The following IRAG2 variants were observed in gnomAD, a reference collection of about 807,000 sequenced individuals.
The protein encoded by IRAG2 is inositol 1,4,5-triphosphate receptor associated 2, also known as lymphoid restricted membrane protein.
A neutral mutation model predicts 69.9 loss-of-function variants in IRAG2; 45 were observed. That is an observed-to-expected ratio of 0.64 (90% confidence interval 0.51 to 0.83). The LOEUF (loss-of-function observed/expected upper bound fraction) is 0.83. IRAG2 is among the 40% of genes least tolerant of loss of function. The probability of loss-of-function intolerance (pLI) is 0.00; values close to 1 mark genes in which losing one functional copy is unlikely to be tolerated. For missense variants in IRAG2, 520 were observed against 587.0 expected (o/e 0.89, Z 1.18); for synonymous variants, 193 against 202.4 (o/e 0.95, Z 0.40).
chr12:25,024,577 A>G (rs1944608060), intron 8 of IRAG2, among the ~76,000 whole-genome samples: 1 of 152,242 alleles, frequency 6.6e-6, no homozygotes, highest in African/African-American at 2.4e-5. Flanking sequence ...TTGAATATCA[A>G]GTAGTATGCC....
chr12:25,090,831 T>A (rs752691527), intron 14 of IRAG2: 2 of 454,792 alleles, frequency 4.4e-6, no homozygotes, highest in African/African-American at 2.0e-5. Context: ...AAAGGAATCA[T>A]ACAGAAAACT....
intron 2 of IRAG2, chr12:25,006,346 A>G (rs577156299): frequency 6.6e-6 from 1 of 152,250 alleles, no homozygotes; most frequent in Non-Finnish European, 1.5e-5. Flanking sequence ...TAGAGCTACC[A>G]TTTGAGCCAG....
chr12:25,101,025 T>G, intron 15 of IRAG2, 153 bp from the exon 16 acceptor site: 1 of 527,826 alleles, frequency 1.9e-6, no homozygotes, highest in Non-Finnish European at 3.3e-6. Flanking sequence ...CTCTTCTGTT[T>G]GCCCCTGTAG....
At chr12:25,080,182 G>C (rs1184723694) in intron 9 of IRAG2, among the ~76,000 whole-genome samples, 1 of 152,100 alleles carries the variant, frequency 6.6e-6, no homozygotes, top group East Asian at 1.9e-4. Context: ...AGAGGCAACA[G>C]AACTAACCAG....
chr12:25,039,559 T>C (rs560176291), intron 16 of IRAG2, among the ~76,000 whole-genome samples: 60 of 152,274 alleles, frequency 3.9e-4, no homozygotes, highest in African/African-American at 1.4e-3. Context: ...GCCTCCCGAG[T>C]AGCTGGGACT....
chr12:25,008,431 G>A (rs1944449460), intron 2 of IRAG2, among the ~76,000 whole-genome samples: 1 of 152,022 alleles, frequency 6.6e-6, no homozygotes, highest in Non-Finnish European at 1.5e-5. Flanking sequence ...GTGAAACCAT[G>A]TCTCCACTAA....
chr12:25,068,582 C>T (rs570862805), intron 5 of IRAG2, among the ~76,000 whole-genome samples: 46 of 152,244 alleles, frequency 3.0e-4, no homozygotes, highest in African/African-American at 1.0e-3. Context: ...CAGATTGGTT[C>T]CCCTGGCAAC....
intron 1 of IRAG2, among the ~76,000 whole-genome samples, chr12:25,059,161 C>CG (rs1364685727): frequency 6.6e-6 from 1 of 152,118 alleles, no homozygotes; most frequent in Admixed American, 6.5e-5. Flanking sequence ...TGGAGATACA[C>CG]GACCTTCAGA....
intron 2 of IRAG2, among the ~76,000 whole-genome samples, chr12:25,008,332 TG>T (rs768364780): frequency 1.3e-5 from 2 of 152,136 alleles, no homozygotes; most frequent in Non-Finnish European, 2.9e-5. Context: ...CTGGGTGGGG[TG>T]GCTCATACCT....
chr12:25,040,126 T>G (rs1304306505), intron 16 of IRAG2, among the ~76,000 whole-genome samples: 1 of 152,226 alleles, frequency 6.6e-6, no homozygotes, highest in Non-Finnish European at 1.5e-5. Flanking sequence ...ATAAGATGGT[T>G]ATAACCTCTG....
intron 16 of IRAG2, among the ~76,000 whole-genome samples, chr12:25,043,550 G>A (rs1050342120): frequency 6.6e-6 from 1 of 152,088 alleles, no homozygotes; most frequent in Non-Finnish European, 1.5e-5. Flanking sequence ...GCTGGATTAT[G>A]TATCCAATGT....
intron 10 of IRAG2, chr12:25,030,893 A>G (rs1208404297): frequency 3.5e-6 from 1 of 286,940 alleles, no homozygotes; most frequent in African/African-American, 2.3e-5. Context: ...CATTCATTTT[A>G]GGGTGGAAGA....
intron 19 of IRAG2, 91 bp downstream of exon 19, chr12:25,104,149 A>C: frequency 9.1e-7 from 1 of 1,093,972 alleles, no homozygotes; most frequent in Non-Finnish European, 1.4e-6. Flanking sequence ...TGATATAGTA[A>C]TGTTTGATTT....
At chr12:25,031,410 C>A (rs961992809) in intron 10 of IRAG2, among the ~76,000 whole-genome samples, 4 of 152,120 alleles carry the variant, frequency 2.6e-5, no homozygotes, top group Admixed American at 6.5e-5. Flanking sequence ...ACTACCTGTA[C>A]CTTTTGGTCT....
chr12:25,028,661 G>A (rs1360368752), intron 9 of IRAG2, among the ~76,000 whole-genome samples: 2 of 152,036 alleles, frequency 1.3e-5, no homozygotes, highest in Non-Finnish European at 2.9e-5. Flanking sequence ...AGATGACAAC[G>A]ACTAGTAAAT....
At chr12:25,004,902 T>C (rs1944419204) in exon 1 of IRAG2, 2 of 1,230,832 alleles carry the variant, frequency 1.6e-6, no homozygotes, top group African/African-American at 1.6e-5. Context: ...AAAAATTATC[T>C]CTGAATGAAG....
chr12:25,075,952 G>T lies in IRAG2; in HGVS notation c.25-3292G>T, dbSNP rs1051303419. The stretch of plus-strand genomic sequence containing the variant: ...TGTTCTGCTGTGGGCCTGGTTTGCT[G>T]GTTTAAATAGAGGTGGCTTTAGAAG... On this transcript the variant is annotated intron_variant, in intron 6 of 21. Coordinates refer to ENST00000556887, the MANE Select transcript of IRAG2 (RefSeq NM_001366544.2). The T allele has an allele frequency of 2.6e-5, 4 of 152,142 alleles. No individual in the cohort carries two copies. In the East Asian group the frequency reaches 7.7e-4, roughly 29 times the overall value. 9.4% of individuals were successfully genotyped at this position (152,142 alleles called of 1,614,324 possible). A position where few individuals can be genotyped will look rare whatever the true frequency, so the allele number is the denominator to read the frequency against.
chr12:25,037,814 A>G (rs1355076867), intron 15 of IRAG2, among the ~76,000 whole-genome samples: 1 of 152,168 alleles, frequency 6.6e-6, no homozygotes, highest in African/African-American at 2.4e-5. Flanking sequence ...GGAAATTGGT[A>G]TTAATTAACA....
intron 9 of IRAG2, chr12:25,026,951 A>G (rs1407665827): frequency 3.4e-6 from 2 of 591,738 alleles, no homozygotes; most frequent in African/African-American, 1.9e-5. Flanking sequence ...CTCATTGACA[A>G]ACTAAACTTT....
Sources: allele counts gnomAD v4.1 joint callset (sites outside exome capture counted in the v4.1 genomes callset), GRCh38; gene constraint gnomAD v4.1.1; transcripts MANE v1.5; gene names NCBI Gene and HGNC (gene_info 2026-07-23, HGNC 2026-07-21).